Variants in NSMCE2 observed in about 807,000 individuals in gnomAD.
NSMCE2 encodes E3 SUMO-protein ligase NSE2.
Under a neutral mutation model 23.8 loss-of-function variants are expected in NSMCE2, and 24 were observed. That is an observed-to-expected ratio of 1.01 (90% CI 0.73 to 1.42). The LOEUF is 1.42. Ranked by LOEUF, NSMCE2 falls within the 40% of genes most tolerant of loss-of-function variation. The probability of loss-of-function intolerance (pLI) is 0.00; values close to 1 mark genes in which losing one functional copy is unlikely to be tolerated. For synonymous variants in NSMCE2, 92 were observed against 94.1 expected, an observed-to-expected ratio of 0.98 and a Z score of 0.13; for missense variants, 284 against 296.5, an observed-to-expected ratio of 0.96 and a Z score of 0.31.
chr8:125,189,259 C>T (rs1042512718), intron 5 of NSMCE2, among the ~76,000 whole-genome samples: 2 of 152,222 alleles, frequency 1.3e-5, no homozygotes. Context: ...GAAAAGCAGA[C>T]ATGTTTATCC....
intron 5 of NSMCE2, among the ~76,000 whole-genome samples, chr8:125,264,079 T>G (rs555340367): frequency 1.3e-5 from 2 of 152,272 alleles, no homozygotes; most frequent in Admixed American, 1.3e-4. Context: ...CTCTGAATTT[T>G]CTCCAACGAA....
intron 5 of NSMCE2, among the ~76,000 whole-genome samples, chr8:125,344,742 CAA>C (rs11389668): frequency 1.4e-5 from 2 of 142,508 alleles, no homozygotes. Context: ...GACTTCATCT[CAA>C]AAAAAAAAAA....
chr8:125,149,831 A>AG (rs1321940596), intron 3 of NSMCE2, among the ~76,000 whole-genome samples: 3 of 152,082 alleles, frequency 2.0e-5, no homozygotes, highest in African/African-American at 7.2e-5. Flanking sequence ...TGTGTATTAT[A>AG]GGTATGTAAG....
chr8:125,243,022 T>A (rs1271725551), intron 5 of NSMCE2, among the ~76,000 whole-genome samples: 6 of 152,054 alleles, frequency 3.9e-5, no homozygotes, highest in African/African-American at 1.4e-4. Context: ...ACATGTAGAC[T>A]CTATCTGGGT....
At chr8:125,243,135 T>A (rs1373637509) in intron 5 of NSMCE2, among the ~76,000 whole-genome samples, 1 of 152,032 alleles carries the variant, frequency 6.6e-6, no homozygotes, top group Non-Finnish European at 1.5e-5. Flanking sequence ...CCCCTGAAAA[T>A]GTATGATGCA....
At chr8:125,154,135 T>C (rs1490675522) in intron 4 of NSMCE2, among the ~76,000 whole-genome samples, 2 of 152,228 alleles carry the variant, frequency 1.3e-5, no homozygotes, top group African/African-American at 4.8e-5. Context: ...CTTCCGTTAC[T>C]ATAATATTTG....
At chr8:125,207,941 C>T (rs1824179247) in intron 5 of NSMCE2, among the ~76,000 whole-genome samples, 1 of 152,204 alleles carries the variant, frequency 6.6e-6, no homozygotes, top group Admixed American at 6.5e-5. Context: ...TAACTTTTGT[C>T]AGACTTTTGG....
chr8:125,141,989 T>C (rs1254369354), intron 3 of NSMCE2, among the ~76,000 whole-genome samples: 1 of 152,152 alleles, frequency 6.6e-6, no homozygotes, highest in African/African-American at 2.4e-5. Flanking sequence ...TGCAGTCTTG[T>C]GAGTTCAGTT....
intron 3 of NSMCE2, among the ~76,000 whole-genome samples, chr8:125,118,841 G>A (rs1165478644): frequency 1.3e-5 from 2 of 152,258 alleles, no homozygotes; most frequent in African/African-American, 4.8e-5. Context: ...ATTTACCAGT[G>A]ATTGATGCAG....
chr8:125,366,824 A>T lies in NSMCE2; in HGVS notation c.683A>T (p.Asp228Val), dbSNP rs1277810522. Reference protein sequence around the residue: ...TDIRKSDLIQDEALRRAIENH... With the variant: ...TDIRKSDLIQVEALRRAIENH... ...ATAAGAAAGTCAGATCTTATCCAGGATGAAGCACTTAGAAGGGCAATTGAG... is the reference window on the plus strand; with the variant it reads ...ATAAGAAAGTCAGATCTTATCCAGGTTGAAGCACTTAGAAGGGCAATTGAG... The change falls in exon 8 of 8, where the codon GAT becomes GTT. Residue 228 changes from aspartate (D) to valine (V), a missense_variant. This residue lies in a region of NSMCE2 where 102 missense variants were observed against 141.0 expected (regional missense o/e 0.72). Transcript: ENST00000287437. 2 of 1,613,804 alleles carry T rather than the reference A, an allele frequency of 1.2e-6. No homozygotes were observed. Among genetic ancestry groups the T allele is most frequent in the African/African-American group, 1.3e-5 (1 of 74,936 alleles).
chr8:125,213,237 A>G lies in NSMCE2; in HGVS notation c.418+30981A>G, dbSNP rs575129513. ...TTTGAGGACACTGAAAGCAAAATGA[A>G]TCGTGCCATTGGAAAATGCCCTGTA... is the stretch of plus-strand genomic sequence containing the variant. On this transcript the variant is annotated intron_variant, in intron 5 of 7. Coordinates refer to ENST00000287437, the MANE Select transcript of NSMCE2 (RefSeq NM_173685.4). Among the ~76,000 whole-genome samples, 17 of 152,278 alleles carry G rather than the reference A, an allele frequency of 1.1e-4. No homozygotes were observed. The South Asian group carries it at 3.3e-3, about 30-fold the overall frequency.
At chr8:125,150,704 A>G (rs1434897710) in intron 3 of NSMCE2, among the ~76,000 whole-genome samples, 1 of 152,070 alleles carries the variant, frequency 6.6e-6, no homozygotes, top group Non-Finnish European at 1.5e-5. Context: ...TGTTTTCATT[A>G]GGAAGATTGG....
intron 5 of NSMCE2, among the ~76,000 whole-genome samples, chr8:125,269,197 C>G (rs1348416277): frequency 1.3e-5 from 2 of 152,160 alleles, no homozygotes; most frequent in African/African-American, 4.8e-5. Context: ...CAGTGATTCT[C>G]TTGCCTTAGC....
At chr8:125,300,537 G>A (rs1828518396) in intron 5 of NSMCE2, among the ~76,000 whole-genome samples, 1 of 152,078 alleles carries the variant, frequency 6.6e-6, no homozygotes, top group African/African-American at 2.4e-5. Flanking sequence ...AAAAAGTTAT[G>A]GTATCTCAGT....
intron 5 of NSMCE2, among the ~76,000 whole-genome samples, chr8:125,257,340 G>T (rs1021322424): frequency 2.0e-4 from 31 of 151,710 alleles, no homozygotes; most frequent in Non-Finnish European, 5.9e-5. Context: ...AAAGAGATGG[G>T]AAAAGAATGA....
At chr8:125,124,210 A>G (rs190095222) in intron 3 of NSMCE2, 8 of 152,272 alleles carry the variant, frequency 5.3e-5, no homozygotes, top group East Asian at 3.9e-4. Flanking sequence ...TCCATGTTGC[A>G]TGTATCAGTA....
intron 5 of NSMCE2, among the ~76,000 whole-genome samples, chr8:125,355,738 C>T (rs1282131797): frequency 1.4e-5 from 2 of 141,088 alleles, no homozygotes; most frequent in African/African-American, 5.1e-5. Context: ...TGATCTTTAA[C>T]TTCTGTGCAA....
chr8:125,144,072 T>C (rs771226874), intron 3 of NSMCE2, among the ~76,000 whole-genome samples: 34 of 152,164 alleles, frequency 2.2e-4, no homozygotes, highest in Non-Finnish European at 7.4e-5. Context: ...CTTATTTTCA[T>C]GTCTGATTCA....
At chr8:125,305,034 C>T (rs917281082) in intron 5 of NSMCE2, among the ~76,000 whole-genome samples, 35 of 151,896 alleles carry the variant, frequency 2.3e-4, no homozygotes, top group African/African-American at 8.5e-4. Flanking sequence ...AAAGAAAGAA[C>T]TGATAGAACT....
Sources: allele counts gnomAD v4.1 joint callset (sites outside exome capture counted in the v4.1 genomes callset), GRCh38; gene constraint gnomAD v4.1.1; regional missense constraint gnomAD v4.1.1; transcripts MANE v1.5; gene names NCBI Gene and HGNC (gene_info 2026-07-23, HGNC 2026-07-21).